GRIA3: variants seen among roughly 807,000 people sequenced by gnomAD.
GRIA3 encodes glutamate ionotropic receptor AMPA type subunit 3.
GRIA3 carries 3 observed loss-of-function variants against 63.0 expected under a neutral mutation model. The ratio of observed to expected loss-of-function variants is 0.05; its 90% CI spans 0.02 to 0.12. The LOEUF (loss-of-function observed/expected upper bound fraction) is 0.12. GRIA3 is among the 10% of genes least tolerant of loss of function. GRIA3 has a pLI of 1.00. For synonymous variants in GRIA3, 274 were observed against 257.9 expected (o/e 1.06, Z -0.60); for missense variants, 347 against 700.9 (o/e 0.50, Z 5.70).
intron 5 of GRIA3, among the ~76,000 whole-genome samples, chrX:123,374,502 T>C (rs1442649469): frequency 8.9e-6 from 1 of 112,097 alleles, no homozygotes; most frequent in Non-Finnish European, 1.9e-5. Context: ...GGAATGTTCT[T>C]CCATTTGTTT....
chrX:123,331,167 G>T (rs2044939561), intron 4 of GRIA3, among the ~76,000 whole-genome samples: 1 of 110,918 alleles, frequency 9.0e-6, no homozygotes, highest in African/African-American at 3.3e-5. Context: ...ATGTTTCAAT[G>T]TTCTACCTAA....
At chrX:123,219,741 C>A (rs779696951) in intron 2 of GRIA3, among the ~76,000 whole-genome samples, 1 of 112,259 alleles carries the variant, frequency 8.9e-6, no homozygotes, top group East Asian at 2.8e-4. Context: ...GTCCTTGCTC[C>A]AGGGCTACAG....
At chrX:123,196,040 T>A (rs1927567638) in intron 2 of GRIA3, among the ~76,000 whole-genome samples, 2 of 111,060 alleles carry the variant, frequency 1.8e-5, no homozygotes, top group Non-Finnish European at 3.8e-5. Context: ...GCCCAGCAGA[T>A]CAGAAGAGGT....
intron 3 of GRIA3, among the ~76,000 whole-genome samples, chrX:123,256,888 T>C (rs1348057445): frequency 1.8e-5 from 2 of 111,051 alleles, no homozygotes; most frequent in East Asian, 5.7e-4. Flanking sequence ...AGAGGTGGAG[T>C]TGAAGTATAC....
intron 12 of GRIA3, among the ~76,000 whole-genome samples, chrX:123,432,230 CT>C (rs1244857010): frequency 1.8e-5 from 2 of 112,064 alleles, no homozygotes; most frequent in Non-Finnish European, 3.8e-5. Flanking sequence ...TAGTAGGCAC[CT>C]GGCTAAGGAA....
At chrX:123,328,183 A>C (rs1194925582) in intron 4 of GRIA3, among the ~76,000 whole-genome samples, 1 of 111,387 alleles carries the variant, frequency 9.0e-6, no homozygotes, top group African/African-American at 3.2e-5. Context: ...GCACTTAAAT[A>C]TCTATGCCTC....
intron 5 of GRIA3, among the ~76,000 whole-genome samples, chrX:123,370,995 C>CT (rs755251186): frequency 5.5e-5 from 6 of 109,317 alleles, no homozygotes; most frequent in Admixed American, 9.9e-5. Flanking sequence ...TTCATTCTAA[C>CT]TTTTTTTTTA....
chrX:123,328,903 A>G (rs1329649025), intron 4 of GRIA3, among the ~76,000 whole-genome samples: 1 of 112,374 alleles, frequency 8.9e-6, no homozygotes, highest in Non-Finnish European at 1.9e-5. Flanking sequence ...AAATGATCTA[A>G]ATTAAGCAAC....
chrX:123,484,503 C>T (rs2045930684), intron 15 of GRIA3, among the ~76,000 whole-genome samples: 1 of 110,833 alleles, frequency 9.0e-6, no homozygotes, highest in Admixed American at 9.6e-5. Context: ...GTTTTTGAGG[C>T]GGAATTTCAC....
rs147094263 is a variant in GRIA3, at chrX:123,377,676, C to A, written c.751-17292C>A. Among the ~76,000 whole-genome samples the A allele has an allele frequency of 7.1e-3, 791 of 111,839 alleles. 11 individuals carry two copies. The highest frequency in any genetic ancestry group is 0.024 in the African/African-American group (742 of 30,789). On this transcript the variant is annotated intron_variant, in intron 5 of 15. Coordinates refer to ENST00000620443, the MANE Select transcript of GRIA3 (RefSeq NM_007325.5). ...TAATTAAATAACAAGAAAGTATGAA[C>A]CATGAGCCAGCCAATTTTTGTCTTT...
intron 14 of GRIA3, among the ~76,000 whole-genome samples, chrX:123,481,989 T>C (rs1428628122): frequency 8.9e-6 from 1 of 112,203 alleles, no homozygotes; most frequent in Non-Finnish European, 1.9e-5. Flanking sequence ...AAAAAAATCA[T>C]CAGCCTCCTG....
chrX:123,316,062 T>C (rs2044829384), intron 3 of GRIA3, among the ~76,000 whole-genome samples: 1 of 109,441 alleles, frequency 9.1e-6, no homozygotes, highest in Non-Finnish European at 1.9e-5. Context: ...GATTTTTTGA[T>C]GAAAAAGAAT....
At chrX:123,342,866 T>G (rs2045017937) in intron 4 of GRIA3, among the ~76,000 whole-genome samples, 1 of 111,595 alleles carries the variant, frequency 9.0e-6, no homozygotes, top group African/African-American at 3.3e-5. Flanking sequence ...TAATACATAA[T>G]AATGGTAGGT....
At chrX:123,294,664 G>A (rs1017667376) in intron 3 of GRIA3, among the ~76,000 whole-genome samples, 3 of 110,919 alleles carry the variant, frequency 2.7e-5, no homozygotes, top group Non-Finnish European at 3.8e-5. Flanking sequence ...CTGTGGGTAC[G>A]GCTGGGAATA....
intron 4 of GRIA3, among the ~76,000 whole-genome samples, chrX:123,350,631 C>T (rs748426874): frequency 4.4e-5 from 5 of 112,377 alleles, no homozygotes; most frequent in South Asian, 3.7e-4. Flanking sequence ...CAGTGATACC[C>T]AACCCCCAGT....
intron 10 of GRIA3, among the ~76,000 whole-genome samples, chrX:123,409,903 C>T (rs986936836): frequency 9.0e-6 from 1 of 111,235 alleles, no homozygotes; most frequent in African/African-American, 3.3e-5. Flanking sequence ...GACTCATGGT[C>T]TAGTGCTCTG....
chrX:123,369,097 C>T (rs1253646680), intron 5 of GRIA3, among the ~76,000 whole-genome samples: 1 of 111,583 alleles, frequency 9.0e-6, no homozygotes, highest in African/African-American at 3.3e-5. Context: ...TCCACTCTCT[C>T]CTCTCCTCCT....
chrX:123,405,584 A>C (rs2045469390), intron 10 of GRIA3, among the ~76,000 whole-genome samples: 1 of 111,313 alleles, frequency 9.0e-6, no homozygotes, highest in African/African-American at 3.3e-5. Flanking sequence ...CCTCACACCC[A>C]ATGTTCCAGC....
At chrX:123,469,204 G>C (rs2045850042) in intron 13 of GRIA3, among the ~76,000 whole-genome samples, 1 of 109,991 alleles carries the variant, frequency 9.1e-6, no homozygotes, top group African/African-American at 3.3e-5. Context: ...TTATCTTTCT[G>C]TCTCTCTCTC....
Sources: gnomAD v4.1 joint callset for allele counts (sites outside exome capture counted in the v4.1 genomes callset) on GRCh38, gnomAD v4.1.1 for gene constraint, MANE v1.5 for transcripts, NCBI Gene and HGNC (gene_info 2026-07-23, HGNC 2026-07-21) for gene names.